PCDHGA12: variants seen among roughly 807,000 people sequenced by gnomAD.
PCDHGA12 encodes protocadherin gamma-A12.
Under a neutral mutation model 61.1 loss-of-function variants are expected in PCDHGA12, and 43 were observed. The observed-to-expected ratio is 0.70, with a 90% CI of 0.55 to 0.91. PCDHGA12 has a LOEUF of 0.91. PCDHGA12 is among the 40% of genes least tolerant of loss of function. The probability of loss-of-function intolerance (pLI) is 0.00; values close to 1 mark genes in which losing one functional copy is unlikely to be tolerated. For synonymous variants in PCDHGA12, 520 were observed against 542.9 expected, an observed-to-expected ratio of 0.96 and a Z score of 0.59; for missense variants, 1,236 against 1,227.7, an observed-to-expected ratio of 1.01 and a Z score of -0.10.
chr5:141,484,805 A>G (rs1594417928), intron 1 of PCDHGA12, among the ~76,000 whole-genome samples: 1 of 151,896 alleles, frequency 6.6e-6, no homozygotes, highest in East Asian at 1.9e-4. Context: ...CCGTGGAAAA[A>G]CATGCCGTTG....
intron 1 of PCDHGA12, among the ~76,000 whole-genome samples, chr5:141,445,007 G>A (rs771023003): frequency 1.5e-4 from 23 of 151,994 alleles, no homozygotes; most frequent in Non-Finnish European, 2.4e-4. Flanking sequence ...ATTTAATTAG[G>A]TCTTTAATTT....
In PCDHGA12 at chr5:141,476,686, C is replaced by T. The variant is rs138480390; in HGVS notation, c.2425-18121C>T. On this transcript the variant is annotated intron_variant, in intron 1 of 3. Coordinates refer to ENST00000252085, the MANE Select transcript of PCDHGA12 (RefSeq NM_003735.3). The surrounding 1 kb of genome is among the most constrained non-coding windows in gnomAD (Gnocchi z 7.6). ...TTCGCGTGCAGACGCGGGAGGACAGCACCAAGTACGCGGAGCTGGTGTTGG... is the reference window on the plus strand; with the variant it reads ...TTCGCGTGCAGACGCGGGAGGACAGTACCAAGTACGCGGAGCTGGTGTTGG... 6.2e-7 allele frequency: 1 copy of T among 1,614,126 alleles called. No homozygotes were observed. The highest frequency in any genetic ancestry group is 1.3e-5 in the African/African-American group (1 of 74,952).
chr5:141,509,699 C>T (rs779592471), intron 3 of PCDHGA12, among the ~76,000 whole-genome samples: 4 of 152,168 alleles, frequency 2.6e-5, no homozygotes, highest in Non-Finnish European at 5.9e-5. Flanking sequence ...GGACGTTGGA[C>T]TGGAGGTGCT....
intron 1 of PCDHGA12, among the ~76,000 whole-genome samples, chr5:141,466,570 T>C (rs967163331): frequency 6.6e-6 from 1 of 152,202 alleles, no homozygotes; most frequent in East Asian, 1.9e-4. Flanking sequence ...TCTTCAACAT[T>C]GTCTCATCCC....
chr5:141,460,981 GTGTATATATA>G (rs1332002052), intron 1 of PCDHGA12, among the ~76,000 whole-genome samples: 6 of 121,884 alleles, frequency 4.9e-5, no homozygotes, highest in Non-Finnish European at 1.0e-4. Flanking sequence ...GTGTGTGTGT[GTGTATATATA>G]TATATGTGTA....
rs1452737362 is a variant in PCDHGA12, at chr5:141,432,324, A to G, written c.1565A>G (p.Tyr522Cys). The change falls in exon 1 of 4, where the codon TAC becomes TGC. Residue 522 changes from tyrosine (Y) to cysteine (C), a missense_variant. Transcript: ENST00000252085. The surrounding 1 kb of genome is among the most constrained non-coding windows in gnomAD (Gnocchi z 6.0). Reference protein sequence around the residue: ...GVLYALSSFDYEQFRDLQVKV... With the variant: ...GVLYALSSFDCEQFRDLQVKV... ...CTGTATGCGCTGAGCTCCTTCGACTACGAGCAGTTCCGAGACTTGCAAGTG... is the reference window on the plus strand; with the variant it reads ...CTGTATGCGCTGAGCTCCTTCGACTGCGAGCAGTTCCGAGACTTGCAAGTG... 3 of 1,614,058 alleles carry G rather than the reference A, an allele frequency of 1.9e-6. No homozygotes were observed. The highest frequency in any genetic ancestry group is 2.7e-5 in the African/African-American group (2 of 74,910).
chr5:141,476,766 T>C lies in PCDHGA12; in HGVS notation c.2425-18041T>C. ...AGTCTCCAGTTAGTGCTGACGGCGT[T>C]GGACGGAGGGACCCCAGCTCTCTCC... On this transcript the variant is annotated intron_variant, in intron 1 of 3. Coordinates refer to ENST00000252085, the MANE Select transcript of PCDHGA12 (RefSeq NM_003735.3). This position sits in a 1 kb window ranked among gnomAD's most constrained non-coding sequence, Gnocchi z 7.6. The C allele has an allele frequency of 1.9e-6, 3 of 1,613,626 alleles. No individual in the cohort carries two copies. The highest frequency in any genetic ancestry group is 2.5e-6 in the Non-Finnish European group (3 of 1,179,952).
chr5:141,473,382 C>T (rs780229708), intron 1 of PCDHGA12, among the ~76,000 whole-genome samples: 3 of 152,190 alleles, frequency 2.0e-5, no homozygotes, highest in Non-Finnish European at 4.4e-5. Context: ...TGGTCCCTGC[C>T]CTCCTGGAGC....
At chr5:141,437,660 G>A (rs1021986333) in intron 1 of PCDHGA12, among the ~76,000 whole-genome samples, 6 of 151,866 alleles carry the variant, frequency 4.0e-5, no homozygotes, top group Non-Finnish European at 5.9e-5. Flanking sequence ...ACATAGTTTC[G>A]AAGAGATGTT....
chr5:141,488,885 T>C (rs1401230063), intron 1 of PCDHGA12, among the ~76,000 whole-genome samples: 1 of 152,194 alleles, frequency 6.6e-6, no homozygotes, highest in Admixed American at 6.5e-5. Flanking sequence ...GAAGCTTCTG[T>C]GACACAGATT....
chr5:141,459,580 G>C (rs1364413383), intron 1 of PCDHGA12, among the ~76,000 whole-genome samples: 1 of 152,118 alleles, frequency 6.6e-6, no homozygotes, highest in Non-Finnish European at 1.5e-5. Flanking sequence ...GAATTGTTTT[G>C]GGGGTCATAT....
At chr5:141,435,004 A>G (rs1481428383) in intron 1 of PCDHGA12, among the ~76,000 whole-genome samples, 1 of 152,096 alleles carries the variant, frequency 6.6e-6, no homozygotes, top group Non-Finnish European at 1.5e-5. Flanking sequence ...AGCTGAATTT[A>G]TCAATGATAA....
At position 141,432,898 on chromosome 5, in the gene PCDHGA12, G is replaced by C. The variant is rs746913952; in HGVS notation, c.2139G>C (p.Ala713=). ...VFLAFVILLL[A]LRLRRWHKSR... is the part of the protein sequence containing the mutation. ...TGGCCTTCGTCATCTTGCTGCTGGC[G>C]CTCAGGCTGCGGCGCTGGCACAAGT... Residue 713 remains alanine (A), a synonymous_variant, in exon 1 of 4, where the codon GCG becomes GCC. Coordinates refer to ENST00000252085, the MANE Select transcript of PCDHGA12 (RefSeq NM_003735.3). The surrounding 1 kb of genome is among the most constrained non-coding windows in gnomAD (Gnocchi z 6.0). 28 of 1,614,056 alleles carry C rather than the reference G, an allele frequency of 1.7e-5. No individual in the cohort carries two copies. In the African/African-American group the frequency reaches 2.4e-4, roughly 14 times the overall value.
rs552812176 is a variant in PCDHGA12, at chr5:141,497,407, A to G, written c.2483+2542A>G. Among the ~76,000 whole-genome samples, 43 of 152,204 alleles carry G rather than the reference A, an allele frequency of 2.8e-4. No individual in the cohort carries two copies. In the Middle Eastern group the frequency reaches 0.01, roughly 36 times the overall value. The stretch of plus-strand genomic sequence containing the variant: ...GCACCTTACCCCTGCCTCAACTCCC[A>G]TTCCATCAAATGAGAGGCTTAGTGG... On this transcript the variant is annotated intron_variant, in intron 2 of 3. Coordinates refer to ENST00000252085, the MANE Select transcript of PCDHGA12 (RefSeq NM_003735.3).
In PCDHGA12 at chr5:141,487,743, G is replaced by C. The variant is rs1424889718; in HGVS notation, c.2425-7064G>C. The C allele has an allele frequency of 1.9e-6, 3 of 1,559,988 alleles. No homozygotes were observed. Among genetic ancestry groups the C allele is most frequent in the Non-Finnish European group, 2.6e-6 (3 of 1,150,774 alleles). ...AGTGATGTCACCATTTTTGTAAGAG[G>C]TAACTATGTGGTAGACGCTGTGCTT... On this transcript the variant is annotated intron_variant, in intron 1 of 3. Transcript: ENST00000252085. The surrounding 1 kb of genome is among the most constrained non-coding windows in gnomAD (Gnocchi z 5.0).
rs2099605485 is a variant in PCDHGA12 at position 141,485,030 on chromosome 5, G to A, written c.2425-9777G>A. 1 of 674,340 alleles carries A rather than the reference G, an allele frequency of 1.5e-6. No individual in the cohort carries two copies. Among genetic ancestry groups the A allele is most frequent in the East Asian group, 2.6e-5 (1 of 38,292 alleles). The allele number at this position is 674,340 out of a possible 1,614,324, so 41.8% of individuals were successfully genotyped here. A position where few individuals can be genotyped will look rare whatever the true frequency, so the allele number is the denominator to read the frequency against. ...CTACCCCGCCACCAGCAAAAACGGC[G>A]CGTAACCCTTGCGGCGCCGGCCGAA... On this transcript the variant is annotated intron_variant, in intron 1 of 3. Transcript: ENST00000252085. The surrounding 1 kb of genome is among the most constrained non-coding windows in gnomAD (Gnocchi z 5.7).
rs2099413746 is a variant in PCDHGA12, at chr5:141,477,589, G to A, written c.2425-17218G>A. ...ACCCCGACGCCCCGCAGAATGCTCGGCTTTCTTTCTTTCTCTTGGAGCAAG... is the reference window on the plus strand; with the variant it reads ...ACCCCGACGCCCCGCAGAATGCTCGACTTTCTTTCTTTCTCTTGGAGCAAG... On this transcript the variant is annotated intron_variant, in intron 1 of 3. Transcript: ENST00000252085. The surrounding 1 kb of genome is among the most constrained non-coding windows in gnomAD (Gnocchi z 4.9). 1 of 1,614,012 alleles carries A rather than the reference G, an allele frequency of 6.2e-7. No individual in the cohort carries two copies. The highest frequency in any genetic ancestry group is 1.1e-5 in the South Asian group (1 of 91,090).
In PCDHGA12 at chr5:141,491,856, C is replaced by A. The variant is rs754113958; in HGVS notation, c.2425-2951C>A. On this transcript the variant is annotated intron_variant, in intron 1 of 3. Coordinates refer to ENST00000252085, the MANE Select transcript of PCDHGA12 (RefSeq NM_003735.3). This position sits in a 1 kb window ranked among gnomAD's most constrained non-coding sequence, Gnocchi z 6.9. ...TCTCGGGATCATTGGACCGTTTGCG[C>A]GAAACCAGAGTGGCCGATTAAGGGA... 6.9e-7 allele frequency: 1 copy of A among 1,458,728 alleles called. No individual in the cohort carries two copies. The highest frequency in any genetic ancestry group is 9.1e-7 in the Non-Finnish European group (1 of 1,103,072). The allele number at this position is 1,458,728 out of a possible 1,614,324, so 90.4% of individuals were successfully genotyped here. A position where few individuals can be genotyped will look rare whatever the true frequency, so the allele number is the denominator to read the frequency against.
chr5:141,492,359 C>A (rs1292383129), intron 1 of PCDHGA12, among the ~76,000 whole-genome samples: 3 of 152,336 alleles, frequency 2.0e-5, no homozygotes, highest in African/African-American at 7.2e-5. Flanking sequence ...GCCACTCGCT[C>A]GCGGCCAGAT....
Sources: gnomAD v4.1 joint callset for allele counts (sites outside exome capture counted in the v4.1 genomes callset) on GRCh38, gnomAD v4.1.1 for gene constraint, Gnocchi (gnomAD v3.1) non-coding constraint, MANE v1.5 for transcripts, NCBI Gene and HGNC (gene_info 2026-07-23, HGNC 2026-07-21) for gene names.